HS6ST2: variants seen among roughly 807,000 people sequenced by gnomAD.
The protein encoded by HS6ST2 is heparan-sulfate 6-O-sulfotransferase 2.
In HS6ST2, 17 loss-of-function variants were observed where a neutral mutation model predicts 33.0. The observed-to-expected ratio is 0.52, with a 90% confidence interval of 0.35 to 0.77. The LOEUF (loss-of-function observed/expected upper bound fraction) is 0.77. Ranked by LOEUF, HS6ST2 falls within the 30% of genes least tolerant of loss-of-function variation. HS6ST2 has a pLI of 0.01. For missense variants in HS6ST2, 519 were observed against 551.7 expected, an observed-to-expected ratio of 0.94 and a Z score of 0.59; for synonymous variants, 248 against 237.1, an observed-to-expected ratio of 1.05 and a Z score of -0.42.
At chrX:132,653,363 T>A (rs1336133500) in intron 4 of HS6ST2, among the ~76,000 whole-genome samples, 1 of 112,345 alleles carries the variant, frequency 8.9e-6, no homozygotes, top group Admixed American at 9.4e-5. Context: ...ATAAACACTA[T>A]CTTGGGAGAT....
At chrX:132,682,929 G>C (rs2063984705) in intron 3 of HS6ST2, among the ~76,000 whole-genome samples, 1 of 110,096 alleles carries the variant, frequency 9.1e-6, no homozygotes, top group African/African-American at 3.3e-5. Flanking sequence ...AACATAGTGA[G>C]GGCTCGTCTC....
intron 2 of HS6ST2, among the ~76,000 whole-genome samples, chrX:132,852,837 A>G (rs1446615044): frequency 8.9e-6 from 1 of 112,251 alleles, no homozygotes; most frequent in Non-Finnish European, 1.9e-5. Flanking sequence ...AGAGGGGTTC[A>G]GAATGAGATG....
intron 1 of HS6ST2, 37 bp downstream of exon 1, chrX:132,958,138 C>T: frequency 9.2e-7 from 1 of 1,088,846 alleles, no homozygotes; most frequent in Non-Finnish European, 1.2e-6. Flanking sequence ...CGCGCCCTGG[C>T]CTGGGAGCGC....
chrX:132,774,692 C>CT (rs2064938803), intron 2 of HS6ST2, among the ~76,000 whole-genome samples: 1 of 110,183 alleles, frequency 9.1e-6, no homozygotes, highest in African/African-American at 3.3e-5. Context: ...GCTTTTTTTT[C>CT]TTTTTTGATC....
At chrX:132,687,963 G>T (rs2064032394) in intron 3 of HS6ST2, among the ~76,000 whole-genome samples, 1 of 111,601 alleles carries the variant, frequency 9.0e-6, no homozygotes, top group Non-Finnish European at 1.9e-5. Flanking sequence ...TCGCCAGGCT[G>T]CTCTCGAACT....
intron 2 of HS6ST2, among the ~76,000 whole-genome samples, chrX:132,869,861 C>A (rs1200633290): frequency 9.0e-6 from 1 of 111,643 alleles, no homozygotes; most frequent in Non-Finnish European, 1.9e-5. Flanking sequence ...TGGCACAAGA[C>A]AAGGATGCCC....
At chrX:132,800,817 T>C (rs2065227550) in intron 2 of HS6ST2, among the ~76,000 whole-genome samples, 1 of 111,651 alleles carries the variant, frequency 9.0e-6, no homozygotes, top group South Asian at 3.8e-4. Flanking sequence ...TGGGAAGTGA[T>C]TGGATCATAG....
chrX:132,639,634 T>C (rs1180600361), intron 4 of HS6ST2, among the ~76,000 whole-genome samples: 1 of 111,670 alleles, frequency 9.0e-6, no homozygotes, highest in African/African-American at 3.3e-5. Flanking sequence ...CTCAGCTTAC[T>C]GAGTGTTTCT....
intron 2 of HS6ST2, among the ~76,000 whole-genome samples, chrX:132,845,163 C>T (rs983448161): frequency 5.5e-5 from 6 of 108,163 alleles, no homozygotes; most frequent in South Asian, 4.0e-4. Flanking sequence ...TGTATTTCAT[C>T]GAGAGAGAGA....
At chrX:132,879,819 G>C (rs1447541838) in intron 2 of HS6ST2, among the ~76,000 whole-genome samples, 6 of 111,835 alleles carry the variant, frequency 5.4e-5, no homozygotes, top group Non-Finnish European at 7.5e-5. Context: ...TAATGGGGGA[G>C]ACAGTCAACA....
chrX:132,926,528 G>A (rs1265635042), intron 2 of HS6ST2, among the ~76,000 whole-genome samples: 1 of 112,521 alleles, frequency 8.9e-6, no homozygotes, highest in Non-Finnish European at 1.9e-5. Flanking sequence ...TTTATCCTCA[G>A]CAACTAGCGA....
rs2065954061 is a variant in HS6ST2 at position 132,864,947 on chromosome X, C to T, written c.947+91861G>A. Among the ~76,000 whole-genome samples the T allele has an allele frequency of 1.8e-5, 2 of 111,216 alleles. 1 individual carries two copies. Among genetic ancestry groups the T allele is most frequent in the Admixed American group, 1.9e-4 (2 of 10,476 alleles). ...CCTACAAGCCAGAAGAGAATGGGGG[C>T]CAATATTCAACATTCTTAAAGAAAA... On this transcript the variant is annotated intron_variant, in intron 2 of 4. Coordinates refer to ENST00000370833, the MANE Select transcript of HS6ST2 (RefSeq NM_001394073.1).
At chrX:132,712,922 G>A (rs1429752224) in intron 2 of HS6ST2, among the ~76,000 whole-genome samples, 4 of 111,102 alleles carry the variant, frequency 3.6e-5, no homozygotes, top group Non-Finnish European at 1.9e-5. Context: ...CTACAAAGGA[G>A]GCTGAGGCAG....
intron 2 of HS6ST2, among the ~76,000 whole-genome samples, chrX:132,890,040 C>G (rs1315487230): frequency 9.0e-6 from 1 of 111,467 alleles, no homozygotes; most frequent in Non-Finnish European, 1.9e-5. Flanking sequence ...ACTCTTTGTA[C>G]CCAATGCTCC....
chrX:132,710,323 T>TAC (rs886214161), intron 2 of HS6ST2, among the ~76,000 whole-genome samples: 1 of 111,431 alleles, frequency 9.0e-6, no homozygotes, highest in Admixed American at 9.5e-5. Flanking sequence ...ATTTTATGCA[T>TAC]ACACACACAC....
chrX:132,958,306 G>A lies in HS6ST2; in HGVS notation c.297C>T (p.His99=). 1 of 1,195,678 alleles carries A rather than the reference G, an allele frequency of 8.4e-7. No individual in the cohort carries two copies. Residue 99 remains histidine (H), a synonymous_variant, in exon 1 of 5, where the codon CAC becomes CAT. Transcript: ENST00000370833. Reference sequence around the variant, plus strand: ...CCAGGTCCCAGCGTCGCCTGAGGACGTGCATCCGCCTGCGGCGGCCCCGGG... The same window carrying A: ...CCAGGTCCCAGCGTCGCCTGAGGACATGCATCCGCCTGCGGCGGCCCCGGG... The part of the protein sequence containing the change: ...LLSRGRRRRM[H]VLRRRWDLGS...
chrX:132,898,874 G>A (rs561893525), intron 2 of HS6ST2, among the ~76,000 whole-genome samples: 1 of 110,781 alleles, frequency 9.0e-6, no homozygotes, highest in Non-Finnish European at 1.9e-5. Context: ...ATTGGCATAC[G>A]TATGGGAGGA....
chrX:132,748,317 C>T (rs1422784234), intron 2 of HS6ST2, among the ~76,000 whole-genome samples: 1 of 112,192 alleles, frequency 8.9e-6, no homozygotes, highest in Admixed American at 9.4e-5. Flanking sequence ...TGGTGATACT[C>T]AGGAGGTCAT....
chrX:132,958,703 G>A, upstream of HS6ST2: 1 of 807,796 alleles, frequency 1.2e-6, no homozygotes, highest in Non-Finnish European at 1.7e-6. Context: ...CACAAGCAGA[G>A]AACCTGGGTT....
Sources: gnomAD v4.1 joint callset for allele counts (sites outside exome capture counted in the v4.1 genomes callset) on GRCh38, gnomAD v4.1.1 for gene constraint, MANE v1.5 for transcripts, NCBI Gene and HGNC (gene_info 2026-07-23, HGNC 2026-07-21) for gene names.